Variants in TFCP2 observed in about 807,000 individuals in gnomAD.
TFCP2 encodes the protein alpha-globin transcription factor CP2.
In TFCP2, 33 loss-of-function variants were observed where a neutral mutation model predicts 73.4. The ratio of observed to expected loss-of-function variants is 0.45; its 90% CI spans 0.34 to 0.60. The LOEUF is 0.60. Among genes scored for constraint, TFCP2 ranks in the 20% least tolerant of loss-of-function variants. The pLI is 0.01. For missense variants in TFCP2, 352 were observed against 604.0 expected (o/e 0.58, Z 4.37); for synonymous variants, 193 against 211.6 (o/e 0.91, Z 0.76).
intron 5 of TFCP2, 106 bp from the exon 6 acceptor site, chr12:51,109,379 A>C: frequency 9.0e-7 from 1 of 1,115,116 alleles, no homozygotes. Flanking sequence ...AGGCATTATG[A>C]ATACCTACAA....
At position 51,094,524 on chromosome 12, in the gene TFCP2, C is replaced by A. The variant is rs1240479218; in HGVS notation, c.*717G>T. The A allele has an allele frequency of 6.6e-6, 1 of 152,246 alleles. No homozygotes were observed. Among genetic ancestry groups the A allele is most frequent in the African/African-American group, 2.4e-5 (1 of 41,432 alleles). 9.4% of individuals were successfully genotyped at this position (152,246 alleles called of 1,614,324 possible). On this transcript the variant is annotated 3_prime_UTR_variant, in exon 15 of 15. Coordinates refer to ENST00000257915, the MANE Select transcript of TFCP2 (RefSeq NM_005653.5). ...GTTTGGATTTCAGCATCACTGCCTG[C>A]CAGCTCCTGGCACCTAGCAAGCTAC...
rs556643262 is a variant in TFCP2 at position 51,117,776 on chromosome 12, T to C, written c.275-29A>G. On this transcript the variant is annotated intron_variant, in intron 2 of 14. Transcript: ENST00000257915. ...GAAGAAAAAGTAATTACATATTATA[T>C]TCACCACAAATTAACTTTGCTAGAT... 1.5e-4 allele frequency: 217 copies of C among 1,487,172 alleles called. 5 individuals carry two copies. The South Asian group carries it at 1.8e-3, about 12-fold the overall frequency. 92.1% of individuals were successfully genotyped at this position (1,487,172 alleles called of 1,614,324 possible).
At chr12:51,128,494 A>G (rs1357587166) in intron 1 of TFCP2, among the ~76,000 whole-genome samples, 2 of 138,568 alleles carry the variant, frequency 1.4e-5, no homozygotes, top group African/African-American at 2.9e-5. Flanking sequence ...AAAAAAAAAC[A>G]AAAAAAACAA....
At chr12:51,108,060 G>A (rs570915968) in intron 6 of TFCP2, among the ~76,000 whole-genome samples, 9 of 150,988 alleles carry the variant, frequency 6.0e-5, no homozygotes, top group African/African-American at 2.2e-4. Flanking sequence ...CGAGGCAGGC[G>A]GATTGCCTGA....
At chr12:51,134,267 C>A (rs1941014533) in intron 1 of TFCP2, among the ~76,000 whole-genome samples, 2 of 152,088 alleles carry the variant, frequency 1.3e-5, no homozygotes, top group African/African-American at 4.8e-5. Context: ...ACAATACTTA[C>A]TAATTTTGGT....
rs1459399325 is a variant in TFCP2 at position 51,095,867 on chromosome 12, T to C, written c.1471+122A>G. ...TTAAAAAAAGGAACAATCTCTAATA[T>C]TGTCACTTTCTTTACCCAAATATGG... On this transcript the variant is annotated intron_variant, in intron 14 of 14. Transcript: ENST00000257915. 10 of 595,298 alleles carry C rather than the reference T, an allele frequency of 1.7e-5. No individual in the cohort carries two copies. In the East Asian group the frequency reaches 1.8e-4, roughly 11 times the overall value. The allele number at this position is 595,298 out of a possible 1,614,324, so 36.9% of individuals were successfully genotyped here. A position where few individuals can be genotyped will look rare whatever the true frequency, so the allele number is the denominator to read the frequency against.
chr12:51,158,329 G>T (rs1238724893), intron 1 of TFCP2, among the ~76,000 whole-genome samples: 1 of 151,726 alleles, frequency 6.6e-6, no homozygotes, highest in Non-Finnish European at 1.5e-5. Flanking sequence ...AATCTTATAG[G>T]ACCACTGTTA....
At chr12:51,155,987 A>T (rs1307753928) in intron 1 of TFCP2, among the ~76,000 whole-genome samples, 1 of 151,064 alleles carries the variant, frequency 6.6e-6, no homozygotes, top group African/African-American at 2.4e-5. Flanking sequence ...GGCTGCAGTG[A>T]GCCAAGATTG....
At chr12:51,165,698 G>A (rs912128929) in intron 1 of TFCP2, among the ~76,000 whole-genome samples, 16 of 152,148 alleles carry the variant, frequency 1.1e-4, no homozygotes, top group African/African-American at 3.6e-4. Context: ...GTACAACAAC[G>A]TAAATGTACT....
chr12:51,108,163 G>T (rs1245832510), intron 6 of TFCP2, among the ~76,000 whole-genome samples: 1 of 151,736 alleles, frequency 6.6e-6, no homozygotes, highest in Admixed American at 6.6e-5. Flanking sequence ...GTGTGTGCCT[G>T]TAGTCCTAGG....
chr12:51,108,291 A>G (rs142767363), intron 6 of TFCP2, among the ~76,000 whole-genome samples: 1 of 151,276 alleles, frequency 6.6e-6, no homozygotes, highest in African/African-American at 2.4e-5. Flanking sequence ...GACTCAAAAA[A>G]AAAAAAGAAG....
At chr12:51,125,137 G>A (rs528340851) in intron 1 of TFCP2, 26 of 741,868 alleles carry the variant, frequency 3.5e-5, no homozygotes, top group African/African-American at 8.6e-5. Context: ...AAGATGATGC[G>A]CAGTGTGATA....
At chr12:51,102,709 TGA>T (rs1322520382) in intron 10 of TFCP2, among the ~76,000 whole-genome samples, 1 of 151,162 alleles carries the variant, frequency 6.6e-6, no homozygotes, top group South Asian at 2.1e-4. Context: ...TGGGTGACAG[TGA>T]GACTCCGTCT....
chr12:51,113,537 G>A (rs762914979), intron 4 of TFCP2, among the ~76,000 whole-genome samples: 2 of 152,054 alleles, frequency 1.3e-5, no homozygotes, highest in Non-Finnish European at 2.9e-5. Context: ...CAGCATGCTG[G>A]GGAAAAAAGT....
chr12:51,152,553 TA>T (rs577179561), intron 1 of TFCP2, among the ~76,000 whole-genome samples: 191 of 152,342 alleles, frequency 1.3e-3, no homozygotes, highest in African/African-American at 4.4e-3. Flanking sequence ...AATTTGTTTT[TA>T]AAAAATACAA....
chr12:51,132,357 C>CTTTTTTTTTTTTTT lies in TFCP2; in HGVS notation c.123-13599_123-13586dup, dbSNP rs869123355. 2.0e-3 allele frequency among the ~76,000 whole-genome samples: 122 copies of CTTTTTTTTTTTTTT among 61,782 alleles called. 32 individuals carry two copies. The highest frequency in any genetic ancestry group is 5.4e-3 in the African/African-American group (93 of 17,224). 40.5% of individuals were successfully genotyped at this position (61,782 alleles called of 152,430 possible). On this transcript the variant is annotated intron_variant, in intron 1 of 14. Transcript: ENST00000257915. ...TGCAAGTTCTGGTTTAGGGATTAGT[C>CTTTTTTTTTTTTTT]TTTTTTTTTTTTTTTTTTTTTTTTT... is the stretch of plus-strand genomic sequence containing the variant.
intron 1 of TFCP2, among the ~76,000 whole-genome samples, chr12:51,140,383 G>C (rs1171093359): frequency 6.7e-6 from 1 of 149,574 alleles, no homozygotes; most frequent in Non-Finnish European, 1.5e-5. Flanking sequence ...GAGTAATATA[G>C]TGAGACTCTG....
chr12:51,144,283 C>T (rs1354338876), intron 1 of TFCP2, among the ~76,000 whole-genome samples: 7 of 152,148 alleles, frequency 4.6e-5, no homozygotes, highest in Admixed American at 4.6e-4. Flanking sequence ...ATCCTTCCAC[C>T]TTAGCCTTCC....
chr12:51,120,353 T>G (rs948394382), intron 1 of TFCP2, among the ~76,000 whole-genome samples: 2 of 151,960 alleles, frequency 1.3e-5, no homozygotes, highest in African/African-American at 4.8e-5. Flanking sequence ...GATATAATGC[T>G]CGACAAAAAA....
Sources: allele counts gnomAD v4.1 joint callset (sites outside exome capture counted in the v4.1 genomes callset), GRCh38; gene constraint gnomAD v4.1.1; transcripts MANE v1.5; gene names NCBI Gene and HGNC (gene_info 2026-07-23, HGNC 2026-07-21).